The following PRDM10 variants were observed in gnomAD, a reference collection of about 807,000 sequenced individuals.
The protein encoded by PRDM10 is PR domain zinc finger protein 10.
PRDM10 carries 65 observed loss-of-function variants against 133.1 expected under a neutral mutation model. That is an observed-to-expected ratio of 0.49 (90% CI 0.40 to 0.60). The LOEUF is 0.60. Ranked by LOEUF, PRDM10 falls within the 20% of genes least tolerant of loss-of-function variation. The pLI, the probability that PRDM10 is intolerant of heterozygous loss-of-function variation, is 0.00. For synonymous variants in PRDM10, 582 were observed against 580.4 expected (o/e 1.00, Z -0.04); for missense variants, 1,137 against 1,507.1 (o/e 0.75, Z 4.07).
Position 129,902,292 on chromosome 11 carries a change from A to G in PRDM10, c.*21T>C. 6.2e-7 allele frequency: 1 copy of G among 1,612,430 alleles called. No homozygotes were observed. The highest frequency in any genetic ancestry group is 8.5e-7 in the Non-Finnish European group (1 of 1,179,004). ...AGAACAGACATGAGGTGGGTGCTGG[A>G]TTCAAGCTCCAGGGTGGAAGTCATG... On this transcript the variant is annotated 3_prime_UTR_variant, in exon 21 of 21. Coordinates refer to ENST00000360871, the MANE Select transcript of PRDM10 (RefSeq NM_199437.2).
intron 20 of PRDM10, 92 bp from the exon 21 acceptor site, chr11:129,902,608 C>G: frequency 6.7e-7 from 1 of 1,489,968 alleles, no homozygotes; most frequent in South Asian, 1.4e-5. Flanking sequence ...AGAAATGTCA[C>G]AAGGGACCCA....
At position 129,924,990 on chromosome 11, in the gene PRDM10, T is replaced by C. The variant is rs1950632169; in HGVS notation, c.1770A>G (p.Pro590=). 3 of 1,614,184 alleles carry C rather than the reference T, an allele frequency of 1.9e-6. No homozygotes were observed. Among genetic ancestry groups the C allele is most frequent in the Non-Finnish European group, 2.5e-6 (3 of 1,180,022 alleles). The change falls in exon 12 of 21, where the codon CCA becomes CCG. Residue 590 remains proline (P), a synonymous_variant. Coordinates refer to ENST00000360871, the MANE Select transcript of PRDM10 (RefSeq NM_199437.2). ...ACAAATCAAGGCGGTCAAAGGATTC[T>C]GGGCAAAAAATGCAAGAGTAAGTCT... ...DQKTYSCIFC[P]ESFDRLDLLK... is the part of the protein sequence containing the mutation.
chr11:129,904,375 AT>A (rs1289238071), intron 20 of PRDM10, among the ~76,000 whole-genome samples: 2 of 152,100 alleles, frequency 1.3e-5, no homozygotes, highest in African/African-American at 4.8e-5. Flanking sequence ...TGCACTTACC[AT>A]TTTATTTTGT....
At chr11:129,941,106 A>G (rs1951190286) in intron 7 of PRDM10, among the ~76,000 whole-genome samples, 1 of 152,182 alleles carries the variant, frequency 6.6e-6, no homozygotes, top group South Asian at 2.1e-4. Flanking sequence ...GAGGTTCTGC[A>G]TACCTTTTGA....
chr11:129,927,474 C>A (rs901392754), intron 11 of PRDM10, among the ~76,000 whole-genome samples: 2 of 152,090 alleles, frequency 1.3e-5, no homozygotes, highest in Non-Finnish European at 2.9e-5. Context: ...AGAACAGACA[C>A]AATGCACATT....
intron 11 of PRDM10, among the ~76,000 whole-genome samples, chr11:129,930,189 A>C (rs912941943): frequency 6.6e-6 from 1 of 152,252 alleles, no homozygotes; most frequent in South Asian, 2.1e-4. Flanking sequence ...GAAATTGTAA[A>C]GCCTGGGAAG....
chr11:129,932,968 G>A (rs942146685), intron 9 of PRDM10, among the ~76,000 whole-genome samples: 4 of 152,102 alleles, frequency 2.6e-5, no homozygotes, highest in Non-Finnish European at 4.4e-5. Flanking sequence ...GGGTTTCACC[G>A]TGTTGCCTGG....
At chr11:129,972,172 C>T (rs879508589) in intron 1 of PRDM10, among the ~76,000 whole-genome samples, 9 of 152,242 alleles carry the variant, frequency 5.9e-5, no homozygotes, top group South Asian at 2.1e-4. Flanking sequence ...GCAAGCGCCG[C>T]GCGCAGCCCC....
At chr11:129,994,428 T>C (rs368338419) in intron 1 of PRDM10, among the ~76,000 whole-genome samples, 2 of 142,664 alleles carry the variant, frequency 1.4e-5, no homozygotes, top group Non-Finnish European at 1.5e-5. Flanking sequence ...ATCGCACCAC[T>C]GCACTCCAGC....
intron 8 of PRDM10, 51 bp downstream of exon 8, chr11:129,937,547 T>C (rs1379360181): frequency 4.6e-6 from 7 of 1,530,802 alleles, no homozygotes; most frequent in African/African-American, 1.4e-5. Context: ...AGATGTGATA[T>C]ATACAATTTA....
intron 4 of PRDM10, 32 bp downstream of exon 4, chr11:129,955,480 T>A: frequency 6.2e-7 from 1 of 1,607,274 alleles, no homozygotes; most frequent in Non-Finnish European, 8.5e-7. Flanking sequence ...TTCACAGTGT[T>A]ATCCCCAAAC....
chr11:129,938,145 T>C (rs1367864933), intron 7 of PRDM10, among the ~76,000 whole-genome samples: 1 of 152,126 alleles, frequency 6.6e-6, no homozygotes, highest in Non-Finnish European at 1.5e-5. Flanking sequence ...CCCTAACTTC[T>C]AAATATTGGT....
rs556170445 is a variant in PRDM10, at chr11:129,899,738, T to TA, written c.*2574dup. ...GCTTCACACATACAAACATGTTTAT[T>TA]AAAAAATATATTTATTAATTTTTAC... is the stretch of plus-strand genomic sequence containing the variant. On this transcript the variant is annotated 3_prime_UTR_variant, in exon 21 of 21. Coordinates refer to ENST00000360871, the MANE Select transcript of PRDM10 (RefSeq NM_199437.2). 2 of 152,590 alleles carry TA rather than the reference T, an allele frequency of 1.3e-5. No individual in the cohort carries two copies. Among genetic ancestry groups the TA allele is most frequent in the Admixed American group, 6.5e-5 (1 of 15,272 alleles). The allele number at this position is 152,590 out of a possible 1,614,324, so 9.5% of individuals were successfully genotyped here.
At chr11:129,997,621 G>A (rs1565519564) in intron 1 of PRDM10, among the ~76,000 whole-genome samples, 1 of 150,196 alleles carries the variant, frequency 6.7e-6, no homozygotes, top group East Asian at 1.9e-4. Context: ...TCAATTTCAG[G>A]TTTCTCTTAA....
chr11:129,962,221 C>G (rs1951810304), intron 1 of PRDM10, among the ~76,000 whole-genome samples: 1 of 152,160 alleles, frequency 6.6e-6, no homozygotes. Context: ...TCAGTCTTCC[C>G]TTTTGATGAT....
At chr11:129,925,757 T>C (rs747271403) in intron 11 of PRDM10, among the ~76,000 whole-genome samples, 17 of 152,180 alleles carry the variant, frequency 1.1e-4, no homozygotes, top group Non-Finnish European at 2.4e-4. Flanking sequence ...AGGGTAGTCC[T>C]TGCCAGCGGC....
At chr11:129,941,600 G>A (rs1168188422) in intron 7 of PRDM10, among the ~76,000 whole-genome samples, 2 of 152,192 alleles carry the variant, frequency 1.3e-5, no homozygotes, top group Middle Eastern at 3.2e-3. Context: ...TTGACATGAC[G>A]ATGGTGTGAG....
At chr11:129,973,909 G>A (rs1937629362) in intron 1 of PRDM10, among the ~76,000 whole-genome samples, 1 of 152,226 alleles carries the variant, frequency 6.6e-6, no homozygotes, top group Admixed American at 6.5e-5. Flanking sequence ...TGTTTGATTT[G>A]ACTTTGAACT....
intron 1 of PRDM10, among the ~76,000 whole-genome samples, chr11:129,990,710 G>A (rs1197806136): frequency 6.6e-6 from 1 of 152,064 alleles, no homozygotes; most frequent in African/African-American, 2.4e-5. Context: ...GCCTCAAAGT[G>A]ATCCTCCCAC....
Sources: gnomAD v4.1 joint callset for allele counts (sites outside exome capture counted in the v4.1 genomes callset) on GRCh38, gnomAD v4.1.1 for gene constraint, MANE v1.5 for transcripts, NCBI Gene and HGNC (gene_info 2026-07-23, HGNC 2026-07-21) for gene names.